ASIC2: variants seen among roughly 807,000 people sequenced by gnomAD.
ASIC2 encodes acid-sensing ion channel 2.
ASIC2 carries 25 observed loss-of-function variants against 57.3 expected under a neutral mutation model. The ratio of observed to expected loss-of-function variants is 0.44; its 90% CI spans 0.32 to 0.61. ASIC2 has a LOEUF of 0.61. ASIC2 is among the 20% of genes least tolerant of loss of function. ASIC2 has a pLI of 0.06. For synonymous variants in ASIC2, 319 were observed against 307.5 expected (o/e 1.04, Z -0.39); for missense variants, 641 against 738.1 (o/e 0.87, Z 1.52).
chr17:34,011,823 C>T lies in ASIC2; in HGVS notation c.555+144155G>A, dbSNP rs183511090. On this transcript the variant is annotated intron_variant, in intron 1 of 9. Coordinates refer to the ASIC2 transcript ENST00000359872. ...CTGTGACACCACTCACCCCACTCCC[C>T]GCCCCTTCTCTGAGTGCTCCTTCTC... 1.1e-4 allele frequency among the ~76,000 whole-genome samples: 16 copies of T among 152,332 alleles called. No homozygotes were observed. In the East Asian group the frequency reaches 2.3e-3, roughly 22 times the overall value.
intron 2 of ASIC2, 119 bp downstream of exon 2, chr17:33,111,798 A>T (rs896063153): frequency 1.9e-5 from 27 of 1,403,982 alleles, no homozygotes; most frequent in Non-Finnish European, 2.4e-5. Flanking sequence ...AGCATGTCAC[A>T]AACCCCTTGC....
intron 1 of ASIC2, among the ~76,000 whole-genome samples, chr17:33,455,338 T>C (rs1912410885): frequency 6.6e-6 from 1 of 152,160 alleles, no homozygotes; most frequent in Admixed American, 6.5e-5. Context: ...ACCCTTGCAC[T>C]CCTCCCTTTC....
chr17:33,257,470 G>A (rs1319903973), intron 1 of ASIC2, among the ~76,000 whole-genome samples: 2 of 152,234 alleles, frequency 1.3e-5, no homozygotes, highest in African/African-American at 2.4e-5. Flanking sequence ...TATAGGCGAA[G>A]TGGCTGTGGC....
intron 1 of ASIC2, among the ~76,000 whole-genome samples, chr17:33,329,962 G>A (rs1280906759): frequency 6.6e-6 from 1 of 152,124 alleles, no homozygotes; most frequent in African/African-American, 2.4e-5. Context: ...TATGGTTTAG[G>A]CATGAATGTG....
intron 1 of ASIC2, among the ~76,000 whole-genome samples, chr17:33,523,822 C>T (rs1440854252): frequency 6.6e-6 from 1 of 152,192 alleles, no homozygotes; most frequent in Non-Finnish European, 1.5e-5. Context: ...AGGGGAAGCT[C>T]ACCCTTCACT....
At chr17:33,444,801 T>C (rs1468232629) in intron 1 of ASIC2, among the ~76,000 whole-genome samples, 1 of 152,208 alleles carries the variant, frequency 6.6e-6, no homozygotes, top group African/African-American at 2.4e-5. Flanking sequence ...AGCTCAGCCC[T>C]AACTTGACCA....
chr17:34,104,546 G>C (rs1482981762), intron 1 of ASIC2, among the ~76,000 whole-genome samples: 2 of 151,846 alleles, frequency 1.3e-5, no homozygotes, highest in African/African-American at 2.4e-5. Context: ...TGATCTTAGG[G>C]GAAAAGCATT....
chr17:33,711,782 C>T (rs1909043953), intron 1 of ASIC2, among the ~76,000 whole-genome samples: 1 of 152,116 alleles, frequency 6.6e-6, no homozygotes, highest in Non-Finnish European at 1.5e-5. Context: ...CCCCAAAATC[C>T]AATCACCTCC....
intron 1 of ASIC2, among the ~76,000 whole-genome samples, chr17:33,504,843 G>T (rs961667650): frequency 6.6e-6 from 1 of 152,116 alleles, no homozygotes; most frequent in Non-Finnish European, 1.5e-5. Context: ...ATTTCATCCT[G>T]TTGGTTCAGG....
intron 1 of ASIC2, among the ~76,000 whole-genome samples, chr17:33,590,539 T>C (rs7503646): frequency 1.3e-5 from 2 of 151,148 alleles, no homozygotes; most frequent in African/African-American, 2.4e-5. Context: ...CTACACCACA[T>C]CCCAATCTCT....
chr17:33,029,741 T>G lies in ASIC2; in HGVS notation c.988-1349A>C, dbSNP rs556866761. 4.6e-5 allele frequency among the ~76,000 whole-genome samples: 7 copies of G among 152,380 alleles called. No individual in the cohort carries two copies. In the East Asian group the frequency reaches 1.2e-3, roughly 25 times the overall value. ...TCCAAAGTGGTTCTTCTATTTTATA[T>G]TTCCACCAGTAGTGTCTGAGAATTC... On this transcript the variant is annotated intron_variant, in intron 3 of 9. Coordinates refer to ENST00000225823, the MANE Select transcript of ASIC2 (RefSeq NM_183377.2).
At chr17:33,090,249 C>T (rs2092152162) in intron 2 of ASIC2, among the ~76,000 whole-genome samples, 1 of 152,238 alleles carries the variant, frequency 6.6e-6, no homozygotes, top group African/African-American at 2.4e-5. Context: ...CCCAAAGCAA[C>T]TCTTTCTCTT....
intron 1 of ASIC2, among the ~76,000 whole-genome samples, chr17:33,209,378 G>C (rs1201996458): frequency 6.6e-6 from 1 of 152,156 alleles, no homozygotes; most frequent in Admixed American, 6.5e-5. Context: ...AAAAACCCAT[G>C]TTGCATAAAA....
At position 33,427,132 on chromosome 17, in the gene ASIC2, C is replaced by T. The variant is rs1031475657; in HGVS notation, c.556-315065G>A. 2.6e-5 allele frequency among the ~76,000 whole-genome samples: 4 copies of T among 152,132 alleles called. 1 individual carries two copies. Among genetic ancestry groups the T allele is most frequent in the South Asian group, 4.1e-4 (2 of 4,826 alleles). ...AAGGGCCAGTGATGCATCAGCCCAT[C>T]GATCAGAAGGATTCGGGACTTACCC... On this transcript the variant is annotated intron_variant, in intron 1 of 9. Coordinates refer to the ASIC2 transcript ENST00000359872.
At chr17:33,040,363 G>T (rs2141916740) in intron 3 of ASIC2, among the ~76,000 whole-genome samples, 1 of 152,360 alleles carries the variant, frequency 6.6e-6, no homozygotes, top group African/African-American at 2.4e-5. Context: ...TCACAATGGT[G>T]TCAGCAATGC....
intron 3 of ASIC2, among the ~76,000 whole-genome samples, chr17:33,070,628 G>A (rs1399345301): frequency 3.9e-5 from 6 of 152,080 alleles, no homozygotes; most frequent in Non-Finnish European, 1.5e-5. Flanking sequence ...GAGCCACCAC[G>A]CCCAGCCTTT....
chr17:33,738,403 TC>T (rs2142095889), intron 1 of ASIC2, among the ~76,000 whole-genome samples: 2 of 152,324 alleles, frequency 1.3e-5, no homozygotes, highest in East Asian at 3.9e-4. Context: ...ACCTGCATTT[TC>T]TGGTCTGCCT....
At chr17:33,576,280 G>A (rs1916617954) in intron 1 of ASIC2, among the ~76,000 whole-genome samples, 1 of 152,172 alleles carries the variant, frequency 6.6e-6, no homozygotes. Context: ...AGACTTCAGA[G>A]AGAACCCAGT....
chr17:33,292,700 G>A lies in ASIC2; in HGVS notation c.-585C>T. 1.0e-6 allele frequency: 1 copy of A among 985,568 alleles called. No individual in the cohort carries two copies. Among genetic ancestry groups the A allele is most frequent in the African/African-American group, 1.7e-5 (1 of 57,370 alleles). 61.1% of individuals were successfully genotyped at this position (985,568 alleles called of 1,614,324 possible). On this transcript the variant is annotated 5_prime_UTR_variant, in exon 1 of 10. Coordinates refer to ENST00000225823, the MANE Select transcript of ASIC2 (RefSeq NM_183377.2). Reference sequence around the variant, plus strand: ...CCCCCAGAGGCGCACCGCGGCTCCTGGCTGGGCGGGCGGGGTGGGTGTGTA... The same window carrying A: ...CCCCCAGAGGCGCACCGCGGCTCCTAGCTGGGCGGGCGGGGTGGGTGTGTA...
Sources: gnomAD v4.1 joint callset for allele counts (sites outside exome capture counted in the v4.1 genomes callset) on GRCh38, gnomAD v4.1.1 for gene constraint, MANE v1.5 for transcripts, NCBI Gene and HGNC (gene_info 2026-07-23, HGNC 2026-07-21) for gene names.